Variants in MARCHF1 observed in about 807,000 individuals in gnomAD.
MARCHF1 encodes membrane associated ring-CH-type finger 1, also known as E3 ubiquitin-protein ligase MARCHF1.
In MARCHF1, 40 loss-of-function variants were observed where a neutral mutation model predicts 54.2. The observed-to-expected ratio is 0.74, with a 90% CI of 0.57 to 0.96. The LOEUF is 0.96. Among genes scored for constraint, MARCHF1 ranks in the 40% least tolerant of loss-of-function variants. The probability of loss-of-function intolerance (pLI) is 0.00; values close to 1 mark genes in which losing one functional copy is unlikely to be tolerated. For synonymous variants in MARCHF1, 236 were observed against 236.3 expected, an observed-to-expected ratio of 1.00 and a Z score of 0.01; for missense variants, 586 against 656.5, an observed-to-expected ratio of 0.89 and a Z score of 1.17.
At chr4:164,029,042 A>C (rs1346022081) in intron 2 of MARCHF1, among the ~76,000 whole-genome samples, 2 of 152,212 alleles carry the variant, frequency 1.3e-5, no homozygotes, top group African/African-American at 4.8e-5. Flanking sequence ...GGATTTGTAC[A>C]TAGCAACCAT....
intron 1 of MARCHF1, among the ~76,000 whole-genome samples, chr4:164,196,448 G>C (rs1731261512): frequency 6.6e-6 from 1 of 151,984 alleles, no homozygotes; most frequent in African/African-American, 2.4e-5. Context: ...CCAAAAATTT[G>C]CTTTAGCAAA....
chr4:164,176,955 T>G (rs1349184129), intron 1 of MARCHF1, among the ~76,000 whole-genome samples: 2 of 43,180 alleles, frequency 4.6e-5, no homozygotes, highest in South Asian at 2.3e-3. Flanking sequence ...TCTCTCTCTC[T>G]CTCTCTCTCT....
intron 1 of MARCHF1, among the ~76,000 whole-genome samples, chr4:164,177,015 T>C (rs1425178577): frequency 8.1e-6 from 1 of 123,152 alleles, no homozygotes; most frequent in Admixed American, 8.4e-5. Flanking sequence ...TATATACAAA[T>C]GATAGAATTA....
intron 7 of MARCHF1, among the ~76,000 whole-genome samples, chr4:163,593,674 A>G (rs1466527763): frequency 1.3e-5 from 2 of 152,202 alleles, no homozygotes; most frequent in African/African-American, 4.8e-5. Context: ...GCTGAGCATT[A>G]CATCAAAGAA....
At chr4:163,878,460 G>A (rs1452671468) in intron 3 of MARCHF1, among the ~76,000 whole-genome samples, 1 of 152,204 alleles carries the variant, frequency 6.6e-6, no homozygotes, top group Non-Finnish European at 1.5e-5. Flanking sequence ...AAGAAGTGCA[G>A]CATCTTGTCC....
At chr4:163,819,913 T>C (rs1464121827) in intron 4 of MARCHF1, among the ~76,000 whole-genome samples, 1 of 152,130 alleles carries the variant, frequency 6.6e-6, no homozygotes, top group Non-Finnish European at 1.5e-5. Flanking sequence ...CAGAATTACA[T>C]ATTCAACCTC....
At chr4:163,949,934 C>G (rs1437364346) in intron 3 of MARCHF1, among the ~76,000 whole-genome samples, 1 of 152,214 alleles carries the variant, frequency 6.6e-6, no homozygotes, top group Non-Finnish European at 1.5e-5. Context: ...GTGGGTACCC[C>G]CTCTCCATAG....
At chr4:164,136,522 G>A (rs1055879695) in intron 1 of MARCHF1, among the ~76,000 whole-genome samples, 1 of 152,166 alleles carries the variant, frequency 6.6e-6, no homozygotes, top group Non-Finnish European at 1.5e-5. Context: ...GCTCAGCAGA[G>A]CCGATTGGCT....
intron 3 of MARCHF1, among the ~76,000 whole-genome samples, chr4:163,952,740 C>T (rs1752157896): frequency 6.6e-6 from 1 of 152,146 alleles, no homozygotes; most frequent in Non-Finnish European, 1.5e-5. Flanking sequence ...CCAGCTATCT[C>T]CCTTGTCTTT....
chr4:164,106,647 G>A (rs1488750872), intron 2 of MARCHF1, among the ~76,000 whole-genome samples: 15 of 149,494 alleles, frequency 1.0e-4, no homozygotes, highest in Non-Finnish European at 2.1e-4. Flanking sequence ...GGATAACATC[G>A]GGAGATATAC....
At position 163,527,447 on chromosome 4, in the gene MARCHF1, G is replaced by GTAA. The variant is rs1738153736; in HGVS notation, c.*1298_*1300dup. The GTAA allele has an allele frequency of 6.6e-6, 1 of 151,986 alleles. No individual in the cohort carries two copies. Among genetic ancestry groups the GTAA allele is most frequent in the Non-Finnish European group, 1.5e-5 (1 of 67,924 alleles). The allele number at this position is 151,986 out of a possible 1,614,324, so 9.4% of individuals were successfully genotyped here. ...ACATTTGATTTAATAACAAAAATAGGTAATTTTATTCCCCTATTGTAAGTA... is the reference window on the plus strand; with the variant it reads ...ACATTTGATTTAATAACAAAAATAGGTAATAATTTTATTCCCCTATTGTAAGTA... On this transcript the variant is annotated 3_prime_UTR_variant, in exon 10 of 10. Transcript: ENST00000514618.
chr4:164,078,444 T>C (rs557954701), intron 2 of MARCHF1, among the ~76,000 whole-genome samples: 1 of 152,222 alleles, frequency 6.6e-6, no homozygotes, highest in Non-Finnish European at 1.5e-5. Flanking sequence ...GGTTGATGGG[T>C]ACAACAAACC....
At chr4:163,796,226 T>G (rs1448716801) in intron 4 of MARCHF1, among the ~76,000 whole-genome samples, 4 of 141,910 alleles carry the variant, frequency 2.8e-5, no homozygotes, top group Non-Finnish European at 4.6e-5. Context: ...TTCTAGTTTT[T>G]TTTTTTTTTT....
intron 1 of MARCHF1, among the ~76,000 whole-genome samples, chr4:164,263,216 AT>A (rs1173757654): frequency 6.6e-6 from 1 of 152,118 alleles, no homozygotes; most frequent in African/African-American, 2.4e-5. Context: ...TAAGAGAAAA[AT>A]TAAGGTAAAA....
At chr4:164,382,539 G>C (rs996854133) in intron 1 of MARCHF1, among the ~76,000 whole-genome samples, 1 of 151,994 alleles carries the variant, frequency 6.6e-6, no homozygotes, top group Admixed American at 6.6e-5. Flanking sequence ...AAATATTTTC[G>C]ATTGTAGTGG....
At chr4:163,919,081 A>G (rs1047390236) in intron 3 of MARCHF1, among the ~76,000 whole-genome samples, 4 of 152,178 alleles carry the variant, frequency 2.6e-5, no homozygotes, top group African/African-American at 9.6e-5. Flanking sequence ...CTATATTGAC[A>G]TACAATCTAT....
intron 2 of MARCHF1, among the ~76,000 whole-genome samples, chr4:164,111,204 C>T (rs549883860): frequency 6.6e-6 from 1 of 151,626 alleles, no homozygotes; most frequent in African/African-American, 2.4e-5. Context: ...ATTTAGCTAC[C>T]TTCATAAAGC....
rs756745109 is a variant in MARCHF1 at position 163,628,058 on chromosome 4, GATAAA to G, written c.163-14670_163-14666del. 4.5e-4 allele frequency among the ~76,000 whole-genome samples: 69 copies of G among 151,774 alleles called. 1 individual carries two copies. The highest frequency in any genetic ancestry group is 1.6e-4 in the Non-Finnish European group (11 of 67,894). ...TAGATGAGGCACTAATAGCACAAAT[GATAAA>G]ATAAACTGTTGATAAATTAGACAAT... On this transcript the variant is annotated intron_variant, in intron 5 of 9. Transcript: ENST00000514618.
chr4:163,796,229 T>G (rs904966219), intron 4 of MARCHF1, among the ~76,000 whole-genome samples: 1 of 143,154 alleles, frequency 7.0e-6, no homozygotes, highest in Non-Finnish European at 1.5e-5. Flanking sequence ...TAGTTTTTTT[T>G]TTTTTTTTTT....
Sources: gnomAD v4.1 joint callset for allele counts (sites outside exome capture counted in the v4.1 genomes callset) on GRCh38, gnomAD v4.1.1 for gene constraint, MANE v1.5 for transcripts, NCBI Gene and HGNC (gene_info 2026-07-23, HGNC 2026-07-21) for gene names.